ATP6V1C2: variants seen among roughly 807,000 people sequenced by gnomAD.
The protein encoded by ATP6V1C2 is ATPase H+ transporting V1 subunit C2.
In ATP6V1C2, 45 loss-of-function variants were observed where a neutral mutation model predicts 56.8. The ratio of observed to expected loss-of-function variants is 0.79; its 90% confidence interval spans 0.62 to 1.02. The LOEUF (loss-of-function observed/expected upper bound fraction) is 1.02, where lower values mean the gene tolerates loss of function less well. Among genes scored for constraint, ATP6V1C2 ranks in the 50% least tolerant of loss-of-function variants. ATP6V1C2 has a pLI of 0.00. For synonymous variants in ATP6V1C2, 220 were observed against 201.3 expected, an observed-to-expected ratio of 1.09 and a Z score of -0.79; for missense variants, 463 against 519.7, an observed-to-expected ratio of 0.89 and a Z score of 1.06.
rs890674956 is a variant in ATP6V1C2, at chr2:10,780,463, C to T, written c.1062-1780C>T. Among the ~76,000 whole-genome samples, 1 of 152,214 alleles carries T rather than the reference C, an allele frequency of 6.6e-6. No homozygotes were observed. Among genetic ancestry groups the T allele is most frequent in the Non-Finnish European group, 1.5e-5 (1 of 68,042 alleles). On this transcript the variant is annotated intron_variant, in intron 12 of 13. Transcript: ENST00000272238. The surrounding 1 kb of genome is among the most constrained non-coding windows in gnomAD (Gnocchi z 4.1). ...GACCTTGGTTCCTGGTTCTTCTGCC[C>T]TGCACATGCACCGCACCCACACCTG...
chr2:10,727,793 G>A (rs1351360729), intron 3 of ATP6V1C2, among the ~76,000 whole-genome samples: 2 of 151,768 alleles, frequency 1.3e-5, no homozygotes, highest in African/African-American at 2.4e-5. Context: ...TAGCTACTCC[G>A]GAGGCTGAGG....
intron 8 of ATP6V1C2, among the ~76,000 whole-genome samples, chr2:10,774,424 C>G (rs530186514): frequency 6.6e-6 from 1 of 152,350 alleles, no homozygotes; most frequent in Admixed American, 6.5e-5. Context: ...AGGATAGTTT[C>G]CACCACTCTG....
chr2:10,785,076 T>C lies in ATP6V1C2; in HGVS notation c.*1813T>C. On this transcript the variant is annotated 3_prime_UTR_variant, in exon 14 of 14. Transcript: ENST00000272238. ...ACACACACACACATTTACAATGGACTGCTGGTGCAGAAGAATAAACAACTT... is the reference window on the plus strand; with the variant it reads ...ACACACACACACATTTACAATGGACCGCTGGTGCAGAAGAATAAACAACTT... 6.3e-6 allele frequency: 8 copies of C among 1,270,692 alleles called. No individual in the cohort carries two copies. Among genetic ancestry groups the C allele is most frequent in the Non-Finnish European group, 9.0e-6 (8 of 890,470 alleles). 78.7% of individuals were successfully genotyped at this position (1,270,692 alleles called of 1,614,324 possible).
In ATP6V1C2 at chr2:10,773,323, G is replaced by C. The variant is rs117714639; in HGVS notation, c.638+713G>C. On this transcript the variant is annotated intron_variant, in intron 8 of 13. Transcript: ENST00000272238. The stretch of plus-strand genomic sequence containing the variant: ...GATGGAGTGAGTGGCACATAGTGGG[G>C]TAGGGGCATGTGGGCTTTCACCTGC... Among the ~76,000 whole-genome samples, 360 of 152,334 alleles carry C rather than the reference G, an allele frequency of 2.4e-3. 5 individuals are homozygous for C. Among genetic ancestry groups the C allele is most frequent in the Admixed American group, 5.6e-3 (85 of 15,298 alleles).
rs1031044510 is a variant in ATP6V1C2, at chr2:10,761,591, C to T, written c.284-2740C>T. ...GACTGCTGTCACAAAATACCACTGA[C>T]TGGGCAGCTTAAACCACAGACTAAG... On this transcript the variant is annotated intron_variant, in intron 4 of 13. Coordinates refer to ENST00000272238, the MANE Select transcript of ATP6V1C2 (RefSeq NM_001039362.2). Among the ~76,000 whole-genome samples the T allele has an allele frequency of 2.0e-5, 3 of 152,194 alleles. No homozygotes were observed. In the East Asian group the frequency reaches 5.8e-4, roughly 29 times the overall value.
At chr2:10,756,281 A>T (rs529377996) in intron 4 of ATP6V1C2, among the ~76,000 whole-genome samples, 3 of 151,712 alleles carry the variant, frequency 2.0e-5, no homozygotes, top group African/African-American at 7.3e-5. Flanking sequence ...AATTGCTTGA[A>T]CCCGGGAGGC....
intron 3 of ATP6V1C2, among the ~76,000 whole-genome samples, chr2:10,740,087 C>CA (rs70953339): frequency 0.54 from 55,546 of 103,302 alleles, 13,402 homozygotes; most frequent in Non-Finnish European, 0.62. Flanking sequence ...GACTCCATCT[C>CA]AAAAAAAAAA....
chr2:10,764,252 C>T, intron 4 of ATP6V1C2, 79 bp from the exon 5 acceptor site: 2 of 1,301,134 alleles, frequency 1.5e-6, no homozygotes, highest in Non-Finnish European at 2.2e-6. Flanking sequence ...CACGCTGATG[C>T]TTGGCTTGGG....
At chr2:10,772,858 C>CCCACCTGGCT (rs1414873432) in intron 8 of ATP6V1C2, among the ~76,000 whole-genome samples, 4 of 152,356 alleles carry the variant, frequency 2.6e-5, no homozygotes, top group East Asian at 1.9e-4. Flanking sequence ...CCCACCTGGC[C>CCCACCTGGCT]GAGCAGCCTC....
chr2:10,723,019 CA>C, intron 2 of ATP6V1C2, 41 bp downstream of exon 2: 2 of 1,608,568 alleles, frequency 1.2e-6, no homozygotes, highest in African/African-American at 1.3e-5. Context: ...ATGGATTGGT[CA>C]GGGGGAGACA....
rs1430412933 is a variant in ATP6V1C2 at position 10,749,126 on chromosome 2, G to A, written c.198-4855G>A. 1.7e-4 allele frequency among the ~76,000 whole-genome samples: 10 copies of A among 59,858 alleles called. No individual in the cohort carries two copies. In the East Asian group the frequency reaches 2.5e-3, roughly 15 times the overall value. 39.3% of individuals were successfully genotyped at this position (59,858 alleles called of 152,430 possible). A position where few individuals can be genotyped will look rare whatever the true frequency, so the allele number is the denominator to read the frequency against. The stretch of plus-strand genomic sequence containing the variant: ...GCCTGGACAACAAGAGCAAAACTCC[G>A]TCTCAAAAAAAAAAAAAAAAAAAAG... On this transcript the variant is annotated intron_variant, in intron 3 of 13. Coordinates refer to ENST00000272238, the MANE Select transcript of ATP6V1C2 (RefSeq NM_001039362.2).
At chr2:10,743,091 C>T (rs2148438312) in intron 3 of ATP6V1C2, among the ~76,000 whole-genome samples, 2 of 152,246 alleles carry the variant, frequency 1.3e-5, no homozygotes, top group South Asian at 4.1e-4. Flanking sequence ...TATTTACTCA[C>T]TGCTTTGTCT....
In ATP6V1C2 at chr2:10,722,977, A is replaced by G; in HGVS notation, c.128A>G (p.Lys43Arg). The G allele has an allele frequency of 6.2e-7, 1 of 1,613,908 alleles. No individual in the cohort carries two copies. The highest frequency in any genetic ancestry group is 1.1e-5 in the South Asian group (1 of 90,998). The change falls in exon 2 of 14, where the codon AAG (lysine) becomes AGG (arginine). Residue 43 changes from lysine (K) to arginine (R), a missense_variant and splice_region_variant. Transcript: ENST00000272238. ...YNTKFAIPDF[K>R]VGTLDSLVGL... Reference sequence around the variant, plus strand: ...ACCAAATTCGCTATTCCTGACTTCAAGGTAAAATTCTTGGGGAGGAGTGAA... The same window carrying G: ...ACCAAATTCGCTATTCCTGACTTCAGGGTAAAATTCTTGGGGAGGAGTGAA...
At chr2:10,745,648 T>C (rs1392721752) in intron 3 of ATP6V1C2, among the ~76,000 whole-genome samples, 1 of 151,950 alleles carries the variant, frequency 6.6e-6, no homozygotes, top group African/African-American at 2.4e-5. Flanking sequence ...GCCAACCATT[T>C]TTAAGTGTAC....
At chr2:10,735,551 T>C (rs968035112) in intron 3 of ATP6V1C2, among the ~76,000 whole-genome samples, 6 of 152,128 alleles carry the variant, frequency 3.9e-5, no homozygotes, top group African/African-American at 1.4e-4. Context: ...AGAGAATTAT[T>C]ATCAAATTTG....
chr2:10,761,685 G>A (rs2171776), intron 4 of ATP6V1C2, among the ~76,000 whole-genome samples: 27,859 of 152,136 alleles, frequency 0.18, 2,914 homozygotes, highest in East Asian at 0.36. Context: ...TTGCTGCATC[G>A]TCCCATGGCC....
chr2:10,783,445 T>C lies in ATP6V1C2; in HGVS notation c.*182T>C, dbSNP rs1366583072. On this transcript the variant is annotated 3_prime_UTR_variant, in exon 14 of 14. Transcript: ENST00000272238. ...TTACAATAAAATGCTCTCAAGTCCT[T>C]TGAATGTTCCAACAAATTCAAAACT... The C allele has an allele frequency of 1.2e-5, 6 of 505,860 alleles. No homozygotes were observed. The highest frequency in any genetic ancestry group is 3.4e-5 in the East Asian group (1 of 29,758). 31.3% of individuals were successfully genotyped at this position (505,860 alleles called of 1,614,324 possible). A position where few individuals can be genotyped will look rare whatever the true frequency, so the allele number is the denominator to read the frequency against.
chr2:10,764,655 C>T (rs1214886719), intron 5 of ATP6V1C2, among the ~76,000 whole-genome samples: 1 of 152,246 alleles, frequency 6.6e-6, no homozygotes, highest in Non-Finnish European at 1.5e-5. Flanking sequence ...CATTCACTTG[C>T]TGCTCCACTT....
intron 11 of ATP6V1C2, among the ~76,000 whole-genome samples, chr2:10,778,069 G>C (rs1665113582): frequency 6.6e-6 from 1 of 152,064 alleles, no homozygotes; most frequent in Non-Finnish European, 1.5e-5. Context: ...TTTGTGGGCA[G>C]CTGCAGTGTC....
Sources: allele counts gnomAD v4.1 joint callset (sites outside exome capture counted in the v4.1 genomes callset), GRCh38; gene constraint gnomAD v4.1.1; non-coding constraint Gnocchi (gnomAD v3.1); transcripts MANE v1.5; gene names NCBI Gene and HGNC (gene_info 2026-07-23, HGNC 2026-07-21).